The following MYT1 variants were observed in gnomAD, a reference collection of about 807,000 sequenced individuals.
MYT1 encodes the protein myelin transcription factor I.
A neutral mutation model predicts 123.0 loss-of-function variants in MYT1; 23 were observed. That is an observed-to-expected ratio of 0.19 (90% confidence interval 0.13 to 0.26). The LOEUF is 0.26. Among genes scored for constraint, MYT1 ranks in the 10% least tolerant of loss-of-function variants. The pLI is 1.00. For missense variants in MYT1, 1,125 were observed against 1,472.5 expected (o/e 0.76, Z 3.86); for synonymous variants, 518 against 575.3 (o/e 0.90, Z 1.43).
chr20:64,198,011 C>A (rs991950062), intron 2 of MYT1, among the ~76,000 whole-genome samples: 2 of 152,046 alleles, frequency 1.3e-5, no homozygotes, highest in Non-Finnish European at 2.9e-5. Flanking sequence ...CTGGGCCGGG[C>A]GCGGTGGCTC....
rs917401033 is a variant in MYT1, at chr20:64,196,892, A to C, written c.1-1970A>C. ...TCCTTGGGAAAACTGGCAATAAATA[A>C]ATAAATAAATAAAGCCGTAGATTGC... On this transcript the variant is annotated intron_variant, in intron 2 of 22. Transcript: ENST00000328439. The surrounding 1 kb of genome is among the most constrained non-coding windows in gnomAD (Gnocchi z 4.3). 6.6e-6 allele frequency among the ~76,000 whole-genome samples: 1 copy of C among 152,240 alleles called. No homozygotes were observed. Among genetic ancestry groups the C allele is most frequent in the African/African-American group, 2.4e-5 (1 of 41,468 alleles).
rs1448128807 is a variant in MYT1, at chr20:64,170,929, A to ACG, written c.-99+6190_-99+6191insCG. ...GAGAGAGAGAGAGAGAGAGAGAGAG[A>ACG]GAGAGACGGAGTCTTGCTCTGTTGG... On this transcript the variant is annotated intron_variant, in intron 1 of 22. Coordinates refer to ENST00000328439, the MANE Select transcript of MYT1 (RefSeq NM_004535.3). 2.3e-3 allele frequency among the ~76,000 whole-genome samples: 313 copies of ACG among 135,596 alleles called. 4 individuals are homozygous for ACG. Among genetic ancestry groups the ACG allele is most frequent in the African/African-American group, 5.9e-3 (211 of 35,492 alleles). 89.0% of individuals were successfully genotyped at this position (135,596 alleles called of 152,430 possible). A position where few individuals can be genotyped will look rare whatever the true frequency, so the allele number is the denominator to read the frequency against.
intron 12 of MYT1, among the ~76,000 whole-genome samples, 156 bp from the exon 13 acceptor site, chr20:64,219,557 T>C (rs991745838): frequency 6.6e-6 from 1 of 152,208 alleles, no homozygotes; most frequent in South Asian, 2.1e-4. Flanking sequence ...AAATGGCAGC[T>C]GGATTTTTTC....
At chr20:64,177,273 G>GCC (rs1247739372) in intron 1 of MYT1, among the ~76,000 whole-genome samples, 1 of 151,876 alleles carries the variant, frequency 6.6e-6, no homozygotes, top group Non-Finnish European at 1.5e-5. Flanking sequence ...CCAACTCCCT[G>GCC]CCCCCACCTC....
chr20:64,228,106 T>C (rs953606232), intron 18 of MYT1, 135 bp downstream of exon 18: 34 of 786,538 alleles, frequency 4.3e-5, no homozygotes, highest in Non-Finnish European at 6.4e-5. Context: ...ACGCCAACTT[T>C]CGTTTCTTTC....
Position 64,190,702 on chromosome 20 carries a change from C to T in MYT1, c.-1+542C>T, listed in dbSNP as rs1472430343. The stretch of plus-strand genomic sequence containing the variant: ...GAAGTAAAGGGACTAGGAATGGTGG[C>T]TTTTATCTCTAATCCCAGCACTTTG... On this transcript the variant is annotated intron_variant, in intron 2 of 22. Coordinates refer to ENST00000328439, the MANE Select transcript of MYT1 (RefSeq NM_004535.3). This position sits in a 1 kb window ranked among gnomAD's most constrained non-coding sequence, Gnocchi z 4.1. 6.9e-6 allele frequency among the ~76,000 whole-genome samples: 1 copy of T among 145,022 alleles called. No individual in the cohort carries two copies. Among genetic ancestry groups the T allele is most frequent in the Non-Finnish European group, 1.5e-5 (1 of 67,252 alleles).
Position 64,213,599 on chromosome 20 carries a change from A to C in MYT1, c.1583A>C (p.Gln528Pro), listed in dbSNP as rs991595257. 6 of 1,614,166 alleles carry C rather than the reference A, an allele frequency of 3.7e-6. No individual in the cohort carries two copies. The highest frequency in any genetic ancestry group is 3.3e-5 in the Admixed American group (2 of 60,030). ...LAKSHEKQQP[Q>P]TGDPSKSSSN... Reference sequence around the variant, plus strand: ...AAATCCCATGAGAAGCAGCAGCCGCAGACAGGAGATCCTTCCAAGAGTAGC... The same window carrying C: ...AAATCCCATGAGAAGCAGCAGCCGCCGACAGGAGATCCTTCCAAGAGTAGC... Residue 528 changes from glutamine to proline, a missense_variant, in exon 10 of 23, where the codon CAG becomes CCG. Gln to Pro is a moderately conservative substitution (Grantham distance 76). This residue lies in a region of MYT1 where 429 missense variants were observed against 604.1 expected (regional missense o/e 0.71). Transcript: ENST00000328439. This position sits in a 1 kb window ranked among gnomAD's most constrained non-coding sequence, Gnocchi z 5.6.
intron 20 of MYT1, 71 bp from the exon 21 acceptor site, chr20:64,237,216 C>A: frequency 1.5e-6 from 2 of 1,300,488 alleles, no homozygotes; most frequent in South Asian, 1.3e-5. Flanking sequence ...AGAAAGCAGG[C>A]TTCCCCACAG....
At chr20:64,237,222 C>A (rs945162614) in intron 20 of MYT1, 65 bp from the exon 21 acceptor site, 3 of 1,380,716 alleles carry the variant, frequency 2.2e-6, no homozygotes, top group Non-Finnish European at 3.0e-6. Context: ...CAGGCTTCCC[C>A]ACAGCACTTT....
At position 64,191,144 on chromosome 20, in the gene MYT1, A is replaced by C. The variant is rs578065956; in HGVS notation, c.-1+984A>C. On this transcript the variant is annotated intron_variant, in intron 2 of 22. Transcript: ENST00000328439. This position sits in a 1 kb window ranked among gnomAD's most constrained non-coding sequence, Gnocchi z 4.1. ...AGGCTGAGAATCCCTACAGGATCTG[A>C]CAGCAGAGATTGCTGGCAGGAGCTT... 1.3e-4 allele frequency among the ~76,000 whole-genome samples: 20 copies of C among 152,330 alleles called. No individual in the cohort carries two copies. Among genetic ancestry groups the C allele is most frequent in the African/African-American group, 4.8e-4 (20 of 41,576 alleles).
rs1341083405 is a variant in MYT1 at position 64,240,657 on chromosome 20, A to C, written c.*209A>C. ...GGCCGTGGTGGCCCTATCTGTGTGC[A>C]TAGGGGCACTGAAGAATTACAAAGT... On this transcript the variant is annotated 3_prime_UTR_variant, in exon 23 of 23. Coordinates refer to ENST00000328439, the MANE Select transcript of MYT1 (RefSeq NM_004535.3). The C allele has an allele frequency of 5.5e-6, 3 of 542,518 alleles. No individual in the cohort carries two copies. Among genetic ancestry groups the C allele is most frequent in the Non-Finnish European group, 9.4e-6 (3 of 319,720 alleles). 33.6% of individuals were successfully genotyped at this position (542,518 alleles called of 1,614,324 possible). A position where few individuals can be genotyped will look rare whatever the true frequency, so the allele number is the denominator to read the frequency against.
At chr20:64,236,521 G>T (rs1984554519) in intron 19 of MYT1, 34 bp from the exon 20 acceptor site, 1 of 1,578,952 alleles carries the variant, frequency 6.3e-7, no homozygotes, top group Non-Finnish European at 8.7e-7. Context: ...GGGTGACCCT[G>T]GGCTGGTGAA....
At chr20:64,199,617 C>T (rs1983232116) in intron 3 of MYT1, among the ~76,000 whole-genome samples, 1 of 152,204 alleles carries the variant, frequency 6.6e-6, no homozygotes, top group Non-Finnish European at 1.5e-5. Flanking sequence ...GGTGGAGCAT[C>T]TGTCCCACTT....
chr20:64,221,985 A>G lies in MYT1; in HGVS notation c.2334A>G (p.Glu778=), dbSNP rs951627071. The G allele has an allele frequency of 3.1e-6, 5 of 1,613,514 alleles. No homozygotes were observed. The highest frequency in any genetic ancestry group is 4.2e-6 in the Non-Finnish European group (5 of 1,180,026). Residue 778 remains glutamate, a synonymous_variant, in exon 14 of 23, where the codon GAA becomes GAG. Coordinates refer to ENST00000328439, the MANE Select transcript of MYT1 (RefSeq NM_004535.3). ...ENFEERKYPG[E]VTLTNFKLKF... ...TTGAGGAGCGGAAGTATCCGGGGGA[A>G]GTCACCCTGACCAACTTTAAGCTGA...
At chr20:64,228,731 CT>C (rs1318549853) in intron 18 of MYT1, among the ~76,000 whole-genome samples, 1 of 152,224 alleles carries the variant, frequency 6.6e-6, no homozygotes, top group African/African-American at 2.4e-5. Context: ...TTGCTACAGA[CT>C]CAGACCAGGT....
At chr20:64,170,884 T>TATATAGAGAGAGAGAG (rs1569303821) in intron 1 of MYT1, among the ~76,000 whole-genome samples, 1 of 20,010 alleles carries the variant, frequency 5.0e-5, no homozygotes, top group Non-Finnish European at 7.9e-5. Context: ...TATATATATA[T>TATATAGAGAGAGAGAG]AGAGAGAGAG....
chr20:64,232,081 C>T lies in MYT1; in HGVS notation c.2676-83C>T. On this transcript the variant is annotated intron_variant, in intron 18 of 22. Transcript: ENST00000328439. This position sits in a 1 kb window ranked among gnomAD's most constrained non-coding sequence, Gnocchi z 6.9. The stretch of plus-strand genomic sequence containing the variant: ...CTTTAACGGCTCTGAGTTGGGCTCC[C>T]CTTGTGTCTGGCTTGAGAGAGTCTC... 1 of 1,428,770 alleles carries T rather than the reference C, an allele frequency of 7.0e-7. No individual in the cohort carries two copies. The highest frequency in any genetic ancestry group is 9.7e-7 in the Non-Finnish European group (1 of 1,028,430). The allele number at this position is 1,428,770 out of a possible 1,614,324, so 88.5% of individuals were successfully genotyped here.
At position 64,219,699 on chromosome 20, in the gene MYT1, C is replaced by T. The variant is rs756877578; in HGVS notation, c.1972-14C>T. On this transcript the variant is annotated splice_polypyrimidine_tract_variant and intron_variant, in intron 12 of 22. Coordinates refer to ENST00000328439, the MANE Select transcript of MYT1 (RefSeq NM_004535.3). ...GGATGGAATCGCTAACAGATCTCAC[C>T]TTTGCCATTGCAGTCTGTGGATATC... 1 of 1,601,704 alleles carries T rather than the reference C, an allele frequency of 6.2e-7. No individual in the cohort carries two copies. Among genetic ancestry groups the T allele is most frequent in the Non-Finnish European group, 8.5e-7 (1 of 1,171,966 alleles).
At chr20:64,239,301 G>T (rs148455618) in intron 21 of MYT1, among the ~76,000 whole-genome samples, 61 of 152,278 alleles carry the variant, frequency 4.0e-4, no homozygotes, top group African/African-American at 1.4e-3. Context: ...CACTCCACGG[G>T]GGGGTGCAGT....
Sources: gnomAD v4.1 joint callset for allele counts (sites outside exome capture counted in the v4.1 genomes callset) on GRCh38, gnomAD v4.1.1 for gene constraint, gnomAD v4.1.1 regional missense constraint, Gnocchi (gnomAD v3.1) non-coding constraint, MANE v1.5 for transcripts, NCBI Gene and HGNC (gene_info 2026-07-23, HGNC 2026-07-21) for gene names.